Variants in MYH10 observed in about 807,000 individuals in gnomAD.
The protein encoded by MYH10 is myosin heavy chain 10.
MYH10 carries 55 observed loss-of-function variants against 257.8 expected under a neutral mutation model. The observed-to-expected ratio is 0.21, with a 90% CI of 0.17 to 0.27. The LOEUF (loss-of-function observed/expected upper bound fraction) is 0.27. MYH10 is among the 10% of genes least tolerant of loss of function. The pLI, the probability that MYH10 is intolerant of heterozygous loss-of-function variation, is 1.00. For synonymous variants in MYH10, 854 were observed against 921.7 expected (o/e 0.93, Z 1.33); for missense variants, 1,631 against 2,500.6 (o/e 0.65, Z 7.42).
At chr17:8,599,296 A>AAT (rs1405273034) in intron 3 of MYH10, among the ~76,000 whole-genome samples, 1 of 152,170 alleles carries the variant, frequency 6.6e-6, no homozygotes, top group African/African-American at 2.4e-5. Context: ...TACATTTTTC[A>AAT]ATATAAGCTT....
chr17:8,547,590 T>G (rs1181779322), intron 11 of MYH10, among the ~76,000 whole-genome samples: 1 of 151,654 alleles, frequency 6.6e-6, no homozygotes, highest in Non-Finnish European at 1.5e-5. Context: ...TATGTCAGCC[T>G]TCACCCGCCA....
Position 8,569,907 on chromosome 17 carries a change from C to T in MYH10, c.664-95G>A. 1 of 885,684 alleles carries T rather than the reference C, an allele frequency of 1.1e-6. No homozygotes were observed. The highest frequency in any genetic ancestry group is 2.7e-5 in the East Asian group (1 of 36,606). The allele number at this position is 885,684 out of a possible 1,614,324, so 54.9% of individuals were successfully genotyped here. A position where few individuals can be genotyped will look rare whatever the true frequency, so the allele number is the denominator to read the frequency against. The stretch of plus-strand genomic sequence containing the variant: ...AGGGGAAAAATTTCTAAAAAAGAAA[C>T]TGCATCTTTTCCTCAGTTCTTTCAT... On this transcript the variant is annotated intron_variant, in intron 6 of 42. Transcript: ENST00000360416. The surrounding 1 kb of genome is among the most constrained non-coding windows in gnomAD (Gnocchi z 4.1).
intron 6 of MYH10, among the ~76,000 whole-genome samples, chr17:8,571,229 C>G (rs2083329965): frequency 6.9e-6 from 1 of 145,588 alleles, no homozygotes; most frequent in Non-Finnish European, 1.5e-5. Context: ...GGCTGGAGTG[C>G]AGTGGCGCGA....
intron 35 of MYH10, among the ~76,000 whole-genome samples, chr17:8,488,076 A>AG (rs764487100): frequency 2.6e-5 from 4 of 152,272 alleles, no homozygotes; most frequent in African/African-American, 9.6e-5. Flanking sequence ...TCAGCAGGAA[A>AG]GGGGGGAGCA....
rs1298011583 is a variant in MYH10, at chr17:8,504,322, G to A, written c.3599+372C>T. Among the ~76,000 whole-genome samples, 4 of 152,070 alleles carry A rather than the reference G, an allele frequency of 2.6e-5. No individual in the cohort carries two copies. In the East Asian group the frequency reaches 5.8e-4, roughly 22 times the overall value. ...CCAGCATGTGTGCCTGGCCTCCTGG[G>A]TATCTCCTCCTATTCCTGTGTTTAC... On this transcript the variant is annotated intron_variant, in intron 28 of 42. Transcript: ENST00000360416. The surrounding 1 kb of genome is among the most constrained non-coding windows in gnomAD (Gnocchi z 5.6).
rs1445349908 is a variant in MYH10 at position 8,477,922 on chromosome 17, C to T, written c.5706+416G>A. On this transcript the variant is annotated intron_variant, in intron 41 of 42. Coordinates refer to ENST00000360416, the MANE Select transcript of MYH10 (RefSeq NM_001256012.3). The surrounding 1 kb of genome is among the most constrained non-coding windows in gnomAD (Gnocchi z 4.2). ...GACGCTGAAGCTCACTCGGGTGCAG[C>T]GTGCAGTACCTTTGTCTTCCCTTCA... Among the ~76,000 whole-genome samples, 1 of 152,184 alleles carries T rather than the reference C, an allele frequency of 6.6e-6. No individual in the cohort carries two copies. Among genetic ancestry groups the T allele is most frequent in the Non-Finnish European group, 1.5e-5 (1 of 68,028 alleles).
intron 38 of MYH10, 34 bp from the exon 39 acceptor site, chr17:8,480,559 C>CCAGCT: frequency 1.2e-6 from 2 of 1,600,614 alleles, no homozygotes; most frequent in Non-Finnish European, 1.7e-6. Flanking sequence ...CGGTTCAATC[C>CCAGCT]CAGCTCAGCA....
intron 7 of MYH10, among the ~76,000 whole-genome samples, chr17:8,564,661 C>T (rs2083106101): frequency 6.6e-6 from 1 of 152,150 alleles, no homozygotes; most frequent in African/African-American, 2.4e-5. Flanking sequence ...GAGTGTATGG[C>T]ACTTTGTAGT....
intron 3 of MYH10, among the ~76,000 whole-genome samples, chr17:8,599,783 T>A (rs1279683701): frequency 6.6e-6 from 1 of 152,176 alleles, no homozygotes; most frequent in African/African-American, 2.4e-5. Flanking sequence ...CCCAGAATAA[T>A]CAACACCATG....
chr17:8,527,052 T>C lies in MYH10; in HGVS notation c.1957+3571A>G, dbSNP rs199863972. The stretch of plus-strand genomic sequence containing the variant: ...ATAAGGTAAGACAATTCCACCCTCA[T>C]ATAGATGAAAATGTCACTGTTATAA... On this transcript the variant is annotated intron_variant, in intron 17 of 42. Transcript: ENST00000360416. 3.3e-5 allele frequency among the ~76,000 whole-genome samples: 5 copies of C among 152,338 alleles called. No homozygotes were observed. In the East Asian group the frequency reaches 9.6e-4, roughly 29 times the overall value.
chr17:8,607,662 A>G (rs934255578), intron 2 of MYH10, among the ~76,000 whole-genome samples: 5 of 152,216 alleles, frequency 3.3e-5, no homozygotes, highest in Non-Finnish European at 7.3e-5. Flanking sequence ...GGAAGGCAAT[A>G]TGTTGTTAAA....
intron 7 of MYH10, chr17:8,560,923 G>C: frequency 2.1e-6 from 1 of 479,284 alleles, no homozygotes; most frequent in South Asian, 1.8e-5. Context: ...GGAATGGTGA[G>C]ACTGGCAAGA....
intron 6 of MYH10, among the ~76,000 whole-genome samples, chr17:8,571,111 T>C (rs1353169667): frequency 6.6e-6 from 1 of 152,074 alleles, no homozygotes. Flanking sequence ...GTTTCCTCCC[T>C]GTACAACAAA....
At position 8,623,254 on chromosome 17, in the gene MYH10, G is replaced by A; in HGVS notation, c.-8C>T. ...TCCAGTTCTCTGCGCCATTGTAAAT[G>A]GAACGATCCAAAAGCAATTGCCTCT... On this transcript the variant is annotated 5_prime_UTR_variant, in exon 2 of 43. Transcript: ENST00000360416. 1 of 1,562,014 alleles carries A rather than the reference G, an allele frequency of 6.4e-7. No individual in the cohort carries two copies. The highest frequency in any genetic ancestry group is 1.4e-5 in the African/African-American group (1 of 72,250).
intron 32 of MYH10, 120 bp from the exon 33 acceptor site, chr17:8,493,144 G>T: frequency 8.7e-7 from 1 of 1,143,892 alleles, no homozygotes; most frequent in Non-Finnish European, 1.2e-6. Flanking sequence ...AGGATCACTT[G>T]AGGTCAGGAG....
intron 24 of MYH10, among the ~76,000 whole-genome samples, chr17:8,510,184 G>T (rs905932092): frequency 6.6e-6 from 1 of 151,590 alleles, no homozygotes; most frequent in Non-Finnish European, 1.5e-5. Context: ...GACTACAGGT[G>T]CCCGCCACCA....
chr17:8,593,505 A>C (rs1374739196), intron 3 of MYH10, among the ~76,000 whole-genome samples: 1 of 152,168 alleles, frequency 6.6e-6, no homozygotes, highest in Non-Finnish European at 1.5e-5. Flanking sequence ...GTATATTTTA[A>C]ATATCCTATT....
intron 3 of MYH10, among the ~76,000 whole-genome samples, chr17:8,601,418 G>GT (rs1304592534): frequency 2.0e-4 from 31 of 152,292 alleles, no homozygotes; most frequent in African/African-American, 7.5e-4. Flanking sequence ...ATCCACCAAG[G>GT]TATGCAAGAT....
intron 4 of MYH10, among the ~76,000 whole-genome samples, chr17:8,579,008 G>A (rs1414337494): frequency 1.3e-5 from 2 of 152,082 alleles, no homozygotes; most frequent in South Asian, 4.1e-4. Flanking sequence ...TATTTGGGCC[G>A]GCCACAGGGG....
Sources: gnomAD v4.1 joint callset for allele counts (sites outside exome capture counted in the v4.1 genomes callset) on GRCh38, gnomAD v4.1.1 for gene constraint, Gnocchi (gnomAD v3.1) non-coding constraint, MANE v1.5 for transcripts, NCBI Gene and HGNC (gene_info 2026-07-23, HGNC 2026-07-21) for gene names.